DYNC2I1: variants seen among roughly 807,000 people sequenced by gnomAD.
DYNC2I1 encodes cytoplasmic dynein 2 intermediate chain 1.
DYNC2I1 carries 89 observed loss-of-function variants against 133.4 expected under a neutral mutation model. The observed-to-expected ratio is 0.67, with a 90% CI of 0.56 to 0.80. DYNC2I1 has a LOEUF of 0.80. Among genes scored for constraint, DYNC2I1 ranks in the 30% least tolerant of loss-of-function variants. The pLI, the probability that DYNC2I1 is intolerant of heterozygous loss-of-function variation, is 0.00. For missense variants in DYNC2I1, 1,291 were observed against 1,314.5 expected, an observed-to-expected ratio of 0.98 and a Z score of 0.28; for synonymous variants, 504 against 484.3, an observed-to-expected ratio of 1.04 and a Z score of -0.54.
At chr7:158,924,403 G>A (rs1585189913) in intron 17 of DYNC2I1, among the ~76,000 whole-genome samples, 3 of 152,236 alleles carry the variant, frequency 2.0e-5, no homozygotes, top group Non-Finnish European at 2.9e-5. Context: ...GGTGCAGGCC[G>A]AGGTCATCAC....
chr7:158,948,192 C>G (rs996166811), downstream of DYNC2I1, among the ~76,000 whole-genome samples: 1 of 152,282 alleles, frequency 6.6e-6, no homozygotes, highest in Admixed American at 6.5e-5. Flanking sequence ...GGAAAACAGA[C>G]GTGGCAAGAG....
rs1307497810 is a variant in DYNC2I1 at position 158,934,461 on chromosome 7, C to A, written c.2690C>A (p.Pro897His). The A allele has an allele frequency of 6.3e-7, 1 of 1,594,226 alleles. No individual in the cohort carries two copies. The highest frequency in any genetic ancestry group is 2.3e-5 in the East Asian group (1 of 44,304). The change falls in exon 23 of 25, where the codon CCC becomes CAC. Residue 897 changes from proline to histidine, a missense_variant. Physicochemically the swap from Pro to His is moderately conservative, Grantham distance 77. Coordinates refer to ENST00000407559, the MANE Select transcript of DYNC2I1 (RefSeq NM_018051.5). ...HGTRQDLRVA[P>H]KLFKPQQHGI... is the part of the protein sequence containing the mutation. ...ACAAGACAAGATTTGAGAGTGGCTC[C>A]CAAACTATTCAAACCTCAGCAACAT... is the stretch of plus-strand genomic sequence containing the variant.
chr7:158,932,516 C>G (rs1850323432), intron 21 of DYNC2I1, among the ~76,000 whole-genome samples: 1 of 151,110 alleles, frequency 6.6e-6, no homozygotes, highest in Non-Finnish European at 1.5e-5. Flanking sequence ...GTCAGTGGGT[C>G]TGATGGTGAG....
chr7:158,951,997 C>T (rs1197408555), intron 4 of DYNC2I1, among the ~76,000 whole-genome samples: 1 of 152,204 alleles, frequency 6.6e-6, no homozygotes, highest in Non-Finnish European at 1.5e-5. Context: ...GCAAAGCTCT[C>T]ACCACCACCA....
At chr7:158,896,688 G>A (rs773612228) in intron 8 of DYNC2I1, among the ~76,000 whole-genome samples, 27 of 152,052 alleles carry the variant, frequency 1.8e-4, no homozygotes, top group African/African-American at 6.5e-4. Context: ...ACCTAGGCTG[G>A]TCTTGAACTC....
At chr7:158,938,990 T>A (rs1009185370) in intron 23 of DYNC2I1, among the ~76,000 whole-genome samples, 5 of 152,332 alleles carry the variant, frequency 3.3e-5, no homozygotes, top group Admixed American at 2.0e-4. Flanking sequence ...TCTTAAGATA[T>A]AAGTAATTTA....
At chr7:158,884,437 G>C in intron 5 of DYNC2I1, 127 bp from the exon 6 acceptor site, 1 of 665,998 alleles carries the variant, frequency 1.5e-6, no homozygotes, top group Admixed American at 3.5e-5. Context: ...TATTTTAAAA[G>C]GTACTTGTGA....
rs1430748376 is a variant in DYNC2I1, at chr7:158,870,021, C to A, written c.69+113C>A. 1.1e-5 allele frequency: 10 copies of A among 875,228 alleles called. No individual in the cohort carries two copies. In the East Asian group the frequency reaches 1.8e-4, roughly 16 times the overall value. 54.2% of individuals were successfully genotyped at this position (875,228 alleles called of 1,614,324 possible). On this transcript the variant is annotated intron_variant, in intron 2 of 24. Coordinates refer to ENST00000407559, the MANE Select transcript of DYNC2I1 (RefSeq NM_018051.5). ...AACTTTGGTTATGTGTGCCTCATTT[C>A]AGAAGTACTTTGAACTCAGAGGTGA...
At chr7:158,912,729 A>G (rs942339470) in intron 12 of DYNC2I1, among the ~76,000 whole-genome samples, 1 of 152,230 alleles carries the variant, frequency 6.6e-6, no homozygotes, top group African/African-American at 2.4e-5. Flanking sequence ...TCCTAAGAAA[A>G]TAGGGTGTGG....
intron 7 of DYNC2I1, among the ~76,000 whole-genome samples, chr7:158,889,226 G>A (rs928491928): frequency 2.0e-5 from 3 of 151,946 alleles, no homozygotes; most frequent in African/African-American, 4.8e-5. Flanking sequence ...GACTACAGGC[G>A]CCTGTCACCA....
downstream of DYNC2I1, among the ~76,000 whole-genome samples, chr7:158,958,426 G>A (rs901380214): frequency 1.3e-5 from 2 of 152,246 alleles, no homozygotes; most frequent in Non-Finnish European, 2.9e-5. Context: ...TCAGCTGCTG[G>A]TGTCTGCGGG....
intron 24 of DYNC2I1, among the ~76,000 whole-genome samples, chr7:158,942,958 G>GTGC (rs1487891782): frequency 6.6e-6 from 1 of 152,166 alleles, no homozygotes; most frequent in Non-Finnish European, 1.5e-5. Flanking sequence ...TCGTCATGAG[G>GTGC]TGCTCTGCCT....
chr7:158,917,206 CGCT>C (rs1848473844), intron 14 of DYNC2I1, among the ~76,000 whole-genome samples: 1 of 142,832 alleles, frequency 7.0e-6, no homozygotes, highest in Admixed American at 6.8e-5. Context: ...AACGTCGACA[CGCT>C]GGTTGAGATT....
intron 1 of DYNC2I1, among the ~76,000 whole-genome samples, chr7:158,863,591 G>C (rs1166726501): frequency 1.4e-5 from 2 of 139,264 alleles, no homozygotes; most frequent in African/African-American, 2.7e-5. Context: ...TGTGAGGGGG[G>C]CGGTGAGCCG....
At chr7:158,900,378 TCCCAAAGTGCTGGGATTATAGGTGTGAG>T (rs1846127486) in intron 8 of DYNC2I1, among the ~76,000 whole-genome samples, 1 of 152,178 alleles carries the variant, frequency 6.6e-6, no homozygotes, top group African/African-American at 2.4e-5. Context: ...TGCCTCGGCC[TCCCAAAGTGCTGGGATTATAGGTGTGAG>T]CCACCGCGCC....
intron 17 of DYNC2I1, among the ~76,000 whole-genome samples, chr7:158,924,583 T>C (rs922575749): frequency 6.6e-6 from 1 of 151,784 alleles, no homozygotes; most frequent in Non-Finnish European, 1.5e-5. Context: ...CTGTTTGAAT[T>C]TATCGCAACT....
chr7:158,900,414 G>A (rs144790278), intron 8 of DYNC2I1, among the ~76,000 whole-genome samples: 2,483 of 152,210 alleles, frequency 0.016, 73 homozygotes, highest in African/African-American at 0.057. Flanking sequence ...GAGCCACCGC[G>A]CCCAGCCTGT....
chr7:158,937,372 A>G (rs1037305123), intron 23 of DYNC2I1, among the ~76,000 whole-genome samples: 4 of 152,204 alleles, frequency 2.6e-5, no homozygotes, highest in African/African-American at 9.7e-5. Context: ...CACGCCTATA[A>G]TCCCAGCACT....
the DYNC2I1 span, among the ~76,000 whole-genome samples, chr7:158,850,557 A>G: frequency 6.6e-6 from 1 of 152,226 alleles, no homozygotes; most frequent in East Asian, 1.9e-4. Context: ...TAAATGTTAA[A>G]TGGGAACTAG....
Sources: allele counts gnomAD v4.1 joint callset (sites outside exome capture counted in the v4.1 genomes callset), GRCh38; gene constraint gnomAD v4.1.1; transcripts MANE v1.5; gene names NCBI Gene and HGNC (gene_info 2026-07-23, HGNC 2026-07-21).